Variants in GPC3 observed in about 807,000 individuals in gnomAD.
GPC3 encodes the protein glypican 3.
GPC3 carries 3 observed loss-of-function variants against 34.4 expected under a neutral mutation model. The observed-to-expected ratio is 0.09, with a 90% confidence interval of 0.04 to 0.23. GPC3 has a LOEUF of 0.23. Among genes scored for constraint, GPC3 ranks in the 10% least tolerant of loss-of-function variants. The pLI, the probability that GPC3 is intolerant of heterozygous loss-of-function variation, is 1.00. For synonymous variants in GPC3, 177 were observed against 174.0 expected (o/e 1.02, Z -0.13); for missense variants, 351 against 445.6 (o/e 0.79, Z 1.91).
At chrX:133,877,059 G>C (rs2076020050) in intron 2 of GPC3, among the ~76,000 whole-genome samples, 2 of 111,605 alleles carry the variant, frequency 1.8e-5, no homozygotes, top group Admixed American at 1.9e-4. Context: ...TGACCAAAAA[G>C]CTACAACAAA....
intron 7 of GPC3, among the ~76,000 whole-genome samples, chrX:133,588,279 A>G (rs2069811277): frequency 9.0e-6 from 1 of 111,557 alleles, no homozygotes; most frequent in South Asian, 3.8e-4. Context: ...GCCATAATTT[A>G]TTCCTGGACT....
At chrX:133,732,949 C>T (rs370937061) in intron 3 of GPC3, among the ~76,000 whole-genome samples, 4 of 110,798 alleles carry the variant, frequency 3.6e-5, no homozygotes, top group African/African-American at 6.6e-5. Context: ...ACTGCAGCCT[C>T]GACCCCCCAG....
At chrX:133,631,353 ATTT>A (rs1205251756) in intron 6 of GPC3, among the ~76,000 whole-genome samples, 1 of 111,815 alleles carries the variant, frequency 8.9e-6, no homozygotes, top group African/African-American at 3.2e-5. Flanking sequence ...GTCAAACAAT[ATTT>A]GTCCTTTTGT....
chrX:133,897,108 G>A (rs891787993), intron 2 of GPC3, among the ~76,000 whole-genome samples: 6 of 108,069 alleles, frequency 5.6e-5, no homozygotes, highest in South Asian at 4.2e-4. Flanking sequence ...GGGTTTCACC[G>A]TGTTAGCCAG....
chrX:133,565,989 G>A (rs2069578434), intron 7 of GPC3, among the ~76,000 whole-genome samples: 1 of 112,450 alleles, frequency 8.9e-6, no homozygotes, highest in African/African-American at 3.2e-5. Context: ...AGAATTAAAT[G>A]ACAGTGTTTA....
chrX:133,551,943 A>G (rs2069437160), intron 7 of GPC3, among the ~76,000 whole-genome samples: 1 of 112,525 alleles, frequency 8.9e-6, no homozygotes, highest in Admixed American at 9.5e-5. Flanking sequence ...ATTTTAGTTA[A>G]TGCTGATTCA....
At chrX:133,742,200 C>A (rs2071569890) in intron 3 of GPC3, among the ~76,000 whole-genome samples, 1 of 111,794 alleles carries the variant, frequency 8.9e-6, no homozygotes, top group African/African-American at 3.3e-5. Flanking sequence ...AGGTACAAAT[C>A]TGAAGCAGAA....
intron 6 of GPC3, among the ~76,000 whole-genome samples, chrX:133,650,449 A>ACACC (rs1309043540): frequency 1.6e-4 from 15 of 93,592 alleles, no homozygotes; most frequent in East Asian, 1.0e-3. Flanking sequence ...ACACACCCAC[A>ACACC]CACCCACCCA....
intron 6 of GPC3, among the ~76,000 whole-genome samples, chrX:133,628,011 A>G (rs1042840730): frequency 1.2e-4 from 13 of 112,469 alleles, no homozygotes; most frequent in African/African-American, 4.2e-4. Flanking sequence ...TCTAGAACAG[A>G]GGGAAAATAT....
intron 3 of GPC3, among the ~76,000 whole-genome samples, chrX:133,701,983 A>T (rs2011121683): frequency 8.9e-6 from 1 of 112,611 alleles, no homozygotes; most frequent in African/African-American, 3.2e-5. Flanking sequence ...GAAGACACTT[A>T]AAGACATTCA....
At chrX:133,897,629 G>A (rs1480355588) in intron 2 of GPC3, among the ~76,000 whole-genome samples, 1 of 110,819 alleles carries the variant, frequency 9.0e-6, no homozygotes, top group Non-Finnish European at 1.9e-5. Context: ...AGGGAGAGAT[G>A]AGGTAGTCTC....
chrX:133,727,137 A>G (rs1177773024), intron 3 of GPC3, among the ~76,000 whole-genome samples: 2 of 112,384 alleles, frequency 1.8e-5, no homozygotes, highest in African/African-American at 6.5e-5. Context: ...ATGAATATAT[A>G]TGAAGTGTCT....
At chrX:133,661,655 CT>C (rs1394159616) in intron 6 of GPC3, 74 bp downstream of exon 6, 1 of 110,368 alleles carries the variant, frequency 9.1e-6, no homozygotes, top group Non-Finnish European at 1.6e-5. Flanking sequence ...CTCTCTCCCC[CT>C]CTCTCTCTCC....
intron 2 of GPC3, among the ~76,000 whole-genome samples, chrX:133,888,537 C>T (rs1050980447): frequency 6.2e-5 from 7 of 112,142 alleles, no homozygotes; most frequent in Admixed American, 2.8e-4. Flanking sequence ...TACACTCCCA[C>T]CAACAGTGTA....
At chrX:133,827,453 A>C (rs1224885337) in intron 2 of GPC3, among the ~76,000 whole-genome samples, 1 of 111,935 alleles carries the variant, frequency 8.9e-6, no homozygotes, top group Non-Finnish European at 1.9e-5. Context: ...TGACAACAAC[A>C]GCATAAAGGA....
intron 6 of GPC3, among the ~76,000 whole-genome samples, chrX:133,626,294 C>T (rs946720156): frequency 1.8e-5 from 2 of 111,655 alleles, no homozygotes; most frequent in Non-Finnish European, 1.9e-5. Flanking sequence ...GCAATGGCAA[C>T]AAAAGCCAAA....
chrX:133,827,178 T>A (rs981148721), intron 2 of GPC3, among the ~76,000 whole-genome samples: 3 of 111,671 alleles, frequency 2.7e-5, no homozygotes, highest in Non-Finnish European at 5.6e-5. Flanking sequence ...ACTGAGAGAA[T>A]TTGTTACTAG....
chrX:133,737,350 C>T (rs188780245), intron 3 of GPC3, among the ~76,000 whole-genome samples: 13 of 111,982 alleles, frequency 1.2e-4, no homozygotes, highest in Non-Finnish European at 1.9e-5. Flanking sequence ...ATGTAAATGA[C>T]AGGCTTTGGG....
At chrX:133,646,748 T>C (rs1189229042) in intron 6 of GPC3, among the ~76,000 whole-genome samples, 1 of 111,909 alleles carries the variant, frequency 8.9e-6, no homozygotes, top group African/African-American at 3.3e-5. Flanking sequence ...AGCAACTGAA[T>C]AGGCAGAGTA....
Sources: allele counts gnomAD v4.1 joint callset (sites outside exome capture counted in the v4.1 genomes callset), GRCh38; gene constraint gnomAD v4.1.1; transcripts MANE v1.5; gene names NCBI Gene and HGNC (gene_info 2026-07-23, HGNC 2026-07-21).